Variants in TRIM2 observed in about 807,000 individuals in gnomAD.
TRIM2 encodes the protein tripartite motif-containing protein 2.
Under a neutral mutation model 75.2 loss-of-function variants are expected in TRIM2, and 20 were observed. The ratio of observed to expected loss-of-function variants is 0.27; its 90% CI spans 0.19 to 0.39. The LOEUF is 0.39. Among genes scored for constraint, TRIM2 ranks in the 10% least tolerant of loss-of-function variants. The pLI, the probability that TRIM2 is intolerant of heterozygous loss-of-function variation, is 1.00. For missense variants in TRIM2, 660 were observed against 990.8 expected (o/e 0.67, Z 4.48); for synonymous variants, 373 against 388.3 (o/e 0.96, Z 0.46).
chr4:153,322,885 A>T (rs1769320822), intron 9 of TRIM2, 69 bp downstream of exon 9: 7 of 1,579,482 alleles, frequency 4.4e-6, no homozygotes, highest in Non-Finnish European at 6.0e-6. Flanking sequence ...ATGATGTTGG[A>T]GCATGTTGAA....
intron 3 of TRIM2, among the ~76,000 whole-genome samples, chr4:153,278,872 C>T (rs572426676): frequency 5.3e-5 from 8 of 151,852 alleles, no homozygotes; most frequent in East Asian, 1.9e-4. Flanking sequence ...TCATGAAATT[C>T]AGGCAACAGC....
intron 3 of TRIM2, among the ~76,000 whole-genome samples, chr4:153,283,119 G>C (rs552081291): frequency 6.6e-6 from 1 of 152,294 alleles, no homozygotes; most frequent in South Asian, 2.1e-4. Flanking sequence ...GTGGTTTTTA[G>C]TATAGTCACA....
Position 153,244,159 on chromosome 4 carries a change from C to G in TRIM2, c.31-26176C>G, listed in dbSNP as rs538421736. ...TCTTCTTCTTGTTCTTCTTGTTCTT[C>G]TTCTTCTTCTTCTTCTTCTTCTCCT... On this transcript the variant is annotated intron_variant, in intron 1 of 11. Transcript: ENST00000338700. 1.2e-3 allele frequency among the ~76,000 whole-genome samples: 179 copies of G among 144,396 alleles called. 7 individuals carry two copies. The highest frequency in any genetic ancestry group is 4.1e-3 in the African/African-American group (149 of 36,772). The allele number at this position is 144,396 out of a possible 152,430, so 94.7% of individuals were successfully genotyped here. A position where few individuals can be genotyped will look rare whatever the true frequency, so the allele number is the denominator to read the frequency against.
intron 2 of TRIM2, among the ~76,000 whole-genome samples, chr4:153,270,765 G>A (rs1222415528): frequency 1.3e-5 from 2 of 152,170 alleles, no homozygotes; most frequent in East Asian, 3.8e-4. Flanking sequence ...CATTAAATAA[G>A]AATGTTAAGT....
At chr4:153,218,077 C>T (rs1478968965) in intron 1 of TRIM2, among the ~76,000 whole-genome samples, 1 of 152,130 alleles carries the variant, frequency 6.6e-6, no homozygotes, top group African/African-American at 2.4e-5. Flanking sequence ...ATTGGTACCA[C>T]CTTTGTAAAA....
At chr4:153,280,670 T>C (rs1280449273) in intron 3 of TRIM2, among the ~76,000 whole-genome samples, 1 of 150,452 alleles carries the variant, frequency 6.6e-6, no homozygotes, top group African/African-American at 2.5e-5. Flanking sequence ...TGAGCCACTA[T>C]GTCCAGCCCA....
At position 153,304,493 on chromosome 4, in the gene TRIM2, T is replaced by G. The variant is rs142404278; in HGVS notation, c.1510+8457T>G. 6.7e-3 allele frequency among the ~76,000 whole-genome samples: 1,024 copies of G among 152,080 alleles called. 12 individuals are homozygous for G. The highest frequency in any genetic ancestry group is 0.023 in the African/African-American group (968 of 41,480). On this transcript the variant is annotated intron_variant, in intron 6 of 11. Coordinates refer to ENST00000338700, the MANE Select transcript of TRIM2 (RefSeq NM_015271.5). ...ATGGAAGGAGGAAAAGAGTGTTTTATAGGAAGGGAAAGCAGGTACAAAGGC... is the reference window on the plus strand; with the variant it reads ...ATGGAAGGAGGAAAAGAGTGTTTTAGAGGAAGGGAAAGCAGGTACAAAGGC...
intron 1 of TRIM2, among the ~76,000 whole-genome samples, chr4:153,226,032 G>T (rs568507625): frequency 6.6e-6 from 1 of 152,032 alleles, no homozygotes; most frequent in Non-Finnish European, 1.5e-5. Context: ...CACCACACCC[G>T]ACTAATTTTT....
rs1405644865 is a variant in TRIM2 at position 153,336,225 on chromosome 4, A to G, written c.*1259A>G. 3 of 985,506 alleles carry G rather than the reference A, an allele frequency of 3.0e-6. No homozygotes were observed. The highest frequency in any genetic ancestry group is 3.5e-5 in the African/African-American group (2 of 57,166). The allele number at this position is 985,506 out of a possible 1,614,324, so 61.0% of individuals were successfully genotyped here. A position where few individuals can be genotyped will look rare whatever the true frequency, so the allele number is the denominator to read the frequency against. On this transcript the variant is annotated 3_prime_UTR_variant, in exon 12 of 12. Transcript: ENST00000338700. ...GCTTCGTCCAGCCACTCTTCAGCAC[A>G]TTCCTTTACTAAGCAGTTTAAAGCC...
At chr4:153,244,233 TCTC>T (rs1243407455) in intron 1 of TRIM2, among the ~76,000 whole-genome samples, 2 of 119,680 alleles carry the variant, frequency 1.7e-5, no homozygotes, top group Non-Finnish European at 1.7e-5. Context: ...TCCTCCTTCT[TCTC>T]TTCTCCTTCC....
chr4:153,194,949 T>C (rs1733617733), intron 1 of TRIM2, among the ~76,000 whole-genome samples: 1 of 152,186 alleles, frequency 6.6e-6, no homozygotes, highest in Non-Finnish European at 1.5e-5. Flanking sequence ...TCTAAGTGGA[T>C]TGAATTCTGG....
chr4:153,257,447 A>C (rs946933629), intron 1 of TRIM2: 25 of 1,230,276 alleles, frequency 2.0e-5, no homozygotes, highest in Admixed American at 2.8e-5. Context: ...TGAATACTGA[A>C]GGGGGTCTTC....
In TRIM2 at chr4:153,248,402, A is replaced by G. The variant is rs148542673; in HGVS notation, c.31-21933A>G. Reference sequence around the variant, plus strand: ...CGTACACTTGAGGTAATTGAGGAATACAGGTTAAATTACTTACCCAGGGTT... The same window carrying G: ...CGTACACTTGAGGTAATTGAGGAATGCAGGTTAAATTACTTACCCAGGGTT... On this transcript the variant is annotated intron_variant, in intron 1 of 11. Transcript: ENST00000338700. The surrounding 1 kb of genome is among the most constrained non-coding windows in gnomAD (Gnocchi z 4.0). Among the ~76,000 whole-genome samples the G allele has an allele frequency of 6.5e-4, 99 of 152,336 alleles. No individual in the cohort carries two copies. The highest frequency in any genetic ancestry group is 2.2e-3 in the African/African-American group (91 of 41,582).
At chr4:153,291,926 G>A (rs904555439) in intron 3 of TRIM2, among the ~76,000 whole-genome samples, 3 of 152,322 alleles carry the variant, frequency 2.0e-5, no homozygotes, top group Middle Eastern at 3.4e-3. Flanking sequence ...TTGTGACACA[G>A]TGAGGCTGAA....
At chr4:153,322,580 T>C (rs1369993650) in intron 8 of TRIM2, 68 bp from the exon 9 acceptor site, 1 of 1,532,778 alleles carries the variant, frequency 6.5e-7, no homozygotes, top group Non-Finnish European at 8.9e-7. Flanking sequence ...GTGTTTATCT[T>C]CATGTTCTGT....
chr4:153,173,535 G>A (rs543137881), intron 1 of TRIM2, among the ~76,000 whole-genome samples: 13 of 151,870 alleles, frequency 8.6e-5, no homozygotes, highest in African/African-American at 3.1e-4. Flanking sequence ...GGTGGCGGGC[G>A]CCTGTGGTCC....
At chr4:153,268,044 A>C (rs764635425) in intron 1 of TRIM2, among the ~76,000 whole-genome samples, 16 of 152,174 alleles carry the variant, frequency 1.1e-4, no homozygotes, top group Admixed American at 2.0e-4. Context: ...TGGAGATGGA[A>C]TCATAGAGGA....
At chr4:153,286,289 C>T (rs868349224) in intron 3 of TRIM2, among the ~76,000 whole-genome samples, 63 of 152,114 alleles carry the variant, frequency 4.1e-4, no homozygotes, top group African/African-American at 1.4e-3. Context: ...CTGTAATTTT[C>T]TTGTGGTATC....
intron 3 of TRIM2, among the ~76,000 whole-genome samples, chr4:153,286,186 T>C (rs1442911686): frequency 6.6e-6 from 1 of 152,242 alleles, no homozygotes; most frequent in African/African-American, 2.4e-5. Flanking sequence ...TCCCACCTGC[T>C]CATGATATAT....
Sources: gnomAD v4.1 joint callset for allele counts (sites outside exome capture counted in the v4.1 genomes callset) on GRCh38, gnomAD v4.1.1 for gene constraint, Gnocchi (gnomAD v3.1) non-coding constraint, MANE v1.5 for transcripts, NCBI Gene and HGNC (gene_info 2026-07-23, HGNC 2026-07-21) for gene names.